HEXIM2: variants seen among roughly 807,000 people sequenced by gnomAD.
HEXIM2 encodes the protein protein HEXIM2.
For synonymous variants in HEXIM2, 159 were observed against 162.7 expected, an observed-to-expected ratio of 0.98 and a Z score of 0.17; for missense variants, 413 against 390.8, an observed-to-expected ratio of 1.06 and a Z score of -0.48.
chr17:45,160,766 G>A, upstream of HEXIM2: 1 of 486,862 alleles, frequency 2.1e-6, no homozygotes, highest in South Asian at 1.6e-5. Context: ...AATCGGGGCT[G>A]AATGGGAGAG....
chr17:45,168,914 T>C, intron 3 of HEXIM2, 101 bp from the exon 4 acceptor site: 3 of 1,130,582 alleles, frequency 2.7e-6, no homozygotes, highest in Non-Finnish European at 3.8e-6. Flanking sequence ...CCAAGTTAGC[T>C]GAGTGTAGGA....
Position 45,169,090 on chromosome 17 carries a change from C to T in HEXIM2, c.142C>T (p.Arg48Trp), listed in dbSNP as rs756765702. 3.7e-5 allele frequency: 60 copies of T among 1,614,068 alleles called. No homozygotes were observed. In the Middle Eastern group the frequency reaches 6.6e-4, roughly 18 times the overall value. ...TGGTGGTTCCCTGCCCCTGACACCGCGGATGGAGAGCCACTCAGAGGATGA... is the reference window on the plus strand; with the variant it reads ...TGGTGGTTCCCTGCCCCTGACACCGTGGATGGAGAGCCACTCAGAGGATGA... ...DSGGSLPLTP[R>W]MESHSEDEDL... The change falls in exon 4 of 4, where the codon CGG (arginine) becomes TGG (tryptophan). Residue 48 changes from arginine to tryptophan, a missense_variant. Transcript: ENST00000589230.
Position 45,169,433 on chromosome 17 carries a change from A to G in HEXIM2, c.485A>G (p.His162Arg). 6.2e-7 allele frequency: 1 copy of G among 1,613,834 alleles called. No individual in the cohort carries two copies. The highest frequency in any genetic ancestry group is 1.1e-5 in the South Asian group (1 of 91,074). ...DPEEPNLDVP[H>R]GISHPGSSGE... Reference sequence around the variant, plus strand: ...GAGGAGCCCAACTTGGATGTGCCCCATGGGATCTCCCACCCAGGTTCCAGT... The same window carrying G: ...GAGGAGCCCAACTTGGATGTGCCCCGTGGGATCTCCCACCCAGGTTCCAGT... Residue 162 changes from histidine to arginine, a missense_variant, in exon 4 of 4, where the codon CAT becomes CGT. Coordinates refer to ENST00000589230, the MANE Select transcript of HEXIM2 (RefSeq NM_001303441.2).
At chr17:45,166,868 AC>A (rs1421228668) in intron 3 of HEXIM2, among the ~76,000 whole-genome samples, 2 of 151,550 alleles carry the variant, frequency 1.3e-5, no homozygotes, top group Non-Finnish European at 1.5e-5. Flanking sequence ...TACTAAAAAT[AC>A]AAAAAATTAG....
At chr17:45,168,256 T>C (rs1014908350) in intron 3 of HEXIM2, among the ~76,000 whole-genome samples, 75 of 147,958 alleles carry the variant, frequency 5.1e-4, no homozygotes, top group African/African-American at 1.7e-3. Context: ...CCGAGGCGGG[T>C]GGATCACCTG....
chr17:45,164,964 A>G (rs2042799393), intron 3 of HEXIM2, among the ~76,000 whole-genome samples: 1 of 152,168 alleles, frequency 6.6e-6, no homozygotes, highest in South Asian at 2.1e-4. Context: ...CAGCTTATCT[A>G]CAGTAGTGGT....
At chr17:45,163,421 G>A (rs1011511363) in intron 3 of HEXIM2, among the ~76,000 whole-genome samples, 2 of 150,794 alleles carry the variant, frequency 1.3e-5, no homozygotes, top group South Asian at 4.2e-4. Context: ...TGAAATACCT[G>A]TTCCAGAATC....
intron 3 of HEXIM2, among the ~76,000 whole-genome samples, chr17:45,163,753 G>A (rs1386543098): frequency 1.3e-5 from 2 of 152,030 alleles, no homozygotes; most frequent in South Asian, 2.1e-4. Context: ...GGAGGCTGAT[G>A]CACCAGAATC....
In HEXIM2 at chr17:45,162,872, C is replaced by T; in HGVS notation, c.66+13C>T. ...GGAGGAGGCCAAGGTAAGTCCCTGCCCTCCTGCCCACCCAAGCACCACGAG... is the reference window on the plus strand; with the variant it reads ...GGAGGAGGCCAAGGTAAGTCCCTGCTCTCCTGCCCACCCAAGCACCACGAG... On this transcript the variant is annotated intron_variant, in intron 3 of 3. Coordinates refer to ENST00000589230, the MANE Select transcript of HEXIM2 (RefSeq NM_001303441.2). The T allele has an allele frequency of 4.5e-6, 7 of 1,567,070 alleles. No homozygotes were observed. The highest frequency in any genetic ancestry group is 6.1e-6 in the Non-Finnish European group (7 of 1,138,282).
chr17:45,160,649 A>C (rs2042659940), upstream of HEXIM2: 1 of 304,754 alleles, frequency 3.3e-6, no homozygotes, highest in Non-Finnish European at 6.7e-6. Context: ...AACCCTGTAA[A>C]GGGCAAAACC....
Position 45,169,524 on chromosome 17 carries a change from C to G in HEXIM2, c.576C>G (p.Asp192Glu). ...CGCACGGTGAGTTCCAGCGGAAGGA[C>G]TTCTCTGAGACTTACGAACGCTTCC... ...GRAHGEFQRK[D>E]FSETYERFHT... Residue 192 changes from aspartate to glutamate, a missense_variant, in exon 4 of 4, where the codon GAC becomes GAG. Physicochemically the swap from Asp to Glu is conservative, Grantham distance 45. Transcript: ENST00000589230. The G allele has an allele frequency of 6.3e-7, 1 of 1,597,988 alleles. No homozygotes were observed. Among genetic ancestry groups the G allele is most frequent in the Admixed American group, 1.8e-5 (1 of 56,966 alleles).
At chr17:45,165,395 A>G (rs1026254472) in intron 3 of HEXIM2, among the ~76,000 whole-genome samples, 1 of 152,096 alleles carries the variant, frequency 6.6e-6, no homozygotes, top group African/African-American at 2.4e-5. Flanking sequence ...ATTCCTCAGT[A>G]CACACCCTGT....
Position 45,169,503 on chromosome 17 carries a change from C to G in HEXIM2, c.555C>G (p.His185Gln). Residue 185 changes from histidine (H) to glutamine (Q), a missense_variant, in exon 4 of 4, where the codon CAC becomes CAG. By Grantham distance (24) the His-to-Gln change is conservative (BLOSUM62 0). Transcript: ENST00000589230. ...ACAGTGATGGGCGGGGCCGAGCGCA[C>G]GGTGAGTTCCAGCGGAAGGACTTCT... Reference protein sequence around the residue: ...AGDSDGRGRAHGEFQRKDFSE... With the variant: ...AGDSDGRGRAQGEFQRKDFSE... 1 of 1,609,898 alleles carries G rather than the reference C, an allele frequency of 6.2e-7. No individual in the cohort carries two copies.
rs574339066 is a variant in HEXIM2, at chr17:45,169,370, A to G, written c.422A>G (p.Tyr141Cys). 5.6e-6 allele frequency: 9 copies of G among 1,613,818 alleles called. No individual in the cohort carries two copies. The highest frequency in any genetic ancestry group is 6.8e-6 in the Non-Finnish European group (8 of 1,180,016). Residue 141 changes from tyrosine to cysteine, a missense_variant, in exon 4 of 4, where the codon TAC becomes TGC. Coordinates refer to ENST00000589230, the MANE Select transcript of HEXIM2 (RefSeq NM_001303441.2). The stretch of plus-strand genomic sequence containing the variant: ...GCCAAAGGCCAGCCCGTGGCCCCCT[A>G]CAACACCACCCAGTTCCTGATGAAT... ...MFAKGQPVAP[Y>C]NTTQFLMNDR...
In HEXIM2 at chr17:45,162,846, T is replaced by C. The variant is rs1199142757; in HGVS notation, c.53T>C (p.Leu18Pro). The change falls in exon 3 of 4, where the codon CTG becomes CCG. Residue 18 changes from leucine (L) to proline (P), a missense_variant. By Grantham distance (98) the Leu-to-Pro change is moderately conservative. Transcript: ENST00000589230. The stretch of plus-strand genomic sequence containing the variant: ...TGTAATGCAGAGTCACCAGTGGCCC[T>C]GGAGGAGGCCAAGGTAAGTCCCTGC... ...TACNAESPVA[L>P]EEAKTSGAPG... The C allele has an allele frequency of 6.2e-7, 1 of 1,612,534 alleles. No individual in the cohort carries two copies. The highest frequency in any genetic ancestry group is 8.5e-7 in the Non-Finnish European group (1 of 1,179,104).
upstream of HEXIM2, chr17:45,161,064 G>T (rs2042669508): frequency 4.0e-6 from 3 of 751,324 alleles, no homozygotes; most frequent in East Asian, 6.4e-5. Flanking sequence ...ATCTGGCGTC[G>T]CCCCCACCTC....
rs893458763 is a variant in HEXIM2 at position 45,161,883 on chromosome 17, C to A, written c.-341C>A. 15 of 985,596 alleles carry A rather than the reference C, an allele frequency of 1.5e-5. No individual in the cohort carries two copies. Among genetic ancestry groups the A allele is most frequent in the African/African-American group, 3.5e-5 (2 of 57,214 alleles). The allele number at this position is 985,596 out of a possible 1,614,324, so 61.1% of individuals were successfully genotyped here. On this transcript the variant is annotated 5_prime_UTR_variant, in exon 1 of 4. Coordinates refer to ENST00000589230, the MANE Select transcript of HEXIM2 (RefSeq NM_001303441.2). ...CACCGCGCGTCCAGGCTCTCTCTTC[C>A]CCCCCATCTTAGTGGCCTGAGCGGC...
At chr17:45,162,056 C>A in intron 1 of HEXIM2, 25 bp downstream of exon 1, 1 of 956,422 alleles carries the variant, frequency 1.0e-6, no homozygotes, top group Non-Finnish European at 1.2e-6. Context: ...TGCAAAACCT[C>A]TTTCCATGAC....
chr17:45,169,496 G>C lies in HEXIM2; in HGVS notation c.548G>C (p.Arg183Pro). Residue 183 changes from arginine to proline, a missense_variant, in exon 4 of 4, where the codon CGA becomes CCA. Arg to Pro is a moderately radical substitution (Grantham distance 103, BLOSUM62 -2). Transcript: ENST00000589230. The stretch of plus-strand genomic sequence containing the variant: ...GCCGGGGACAGTGATGGGCGGGGCC[G>C]AGCGCACGGTGAGTTCCAGCGGAAG... ...SEAGDSDGRG[R>P]AHGEFQRKDF... The C allele has an allele frequency of 6.2e-7, 1 of 1,611,670 alleles. No homozygotes were observed. The highest frequency in any genetic ancestry group is 8.5e-7 in the Non-Finnish European group (1 of 1,179,026).
Sources: gnomAD v4.1 joint callset for allele counts (sites outside exome capture counted in the v4.1 genomes callset) on GRCh38, gnomAD v4.1.1 for gene constraint, MANE v1.5 for transcripts, NCBI Gene and HGNC (gene_info 2026-07-23, HGNC 2026-07-21) for gene names.